TPD52L2: variants seen among roughly 807,000 people sequenced by gnomAD.
TPD52L2 encodes the protein tumor protein D54.
A neutral mutation model predicts 24.7 loss-of-function variants in TPD52L2; 19 were observed. That is an observed-to-expected ratio of 0.77 (90% CI 0.54 to 1.13). TPD52L2 has a LOEUF of 1.13. TPD52L2 is among the 50% of genes most tolerant of loss of function. The pLI is 0.00. For synonymous variants in TPD52L2, 104 were observed against 100.2 expected (o/e 1.04, Z -0.23); for missense variants, 236 against 250.4 (o/e 0.94, Z 0.39).
Position 63,877,252 on chromosome 20 carries a change from C to G in TPD52L2, c.374+1377C>G. The stretch of plus-strand genomic sequence containing the variant: ...ATGTCAGCCAGGATGGTCTCAATCT[C>G]CTGACCTCGTGATCCGCCTGCCTCA... On this transcript the variant is annotated intron_variant, in intron 4 of 6. Coordinates refer to ENST00000346249, the MANE Select transcript of TPD52L2 (RefSeq NM_003288.4). The surrounding 1 kb of genome is among the most constrained non-coding windows in gnomAD (Gnocchi z 4.1). 3.1e-6 allele frequency: 1 copy of G among 325,576 alleles called. No homozygotes were observed. Among genetic ancestry groups the G allele is most frequent in the South Asian group, 2.4e-5 (1 of 42,120 alleles). The allele number at this position is 325,576 out of a possible 1,614,324, so 20.2% of individuals were successfully genotyped here. A position where few individuals can be genotyped will look rare whatever the true frequency, so the allele number is the denominator to read the frequency against.
intron 1 of TPD52L2, among the ~76,000 whole-genome samples, chr20:63,867,145 G>A (rs1448810501): frequency 6.6e-6 from 1 of 152,024 alleles, no homozygotes; most frequent in East Asian, 1.9e-4. Flanking sequence ...TAGAGATGGA[G>A]GTTTCTCCAT....
intron 5 of TPD52L2, among the ~76,000 whole-genome samples, chr20:63,886,503 A>G (rs1408371415): frequency 6.6e-6 from 1 of 151,638 alleles, no homozygotes; most frequent in Admixed American, 6.6e-5. Flanking sequence ...CTGGGACTAC[A>G]GGCGCCCGCC....
At chr20:63,887,703 G>A in intron 5 of TPD52L2, 1 of 1,265,962 alleles carries the variant, frequency 7.9e-7, no homozygotes, top group Non-Finnish European at 1.1e-6. Flanking sequence ...CCATATTCCT[G>A]GATTAATTGA....
chr20:63,883,215 T>TG (rs914257931), intron 5 of TPD52L2, among the ~76,000 whole-genome samples: 10 of 152,212 alleles, frequency 6.6e-5, no homozygotes, highest in African/African-American at 2.4e-4. Context: ...GCGTGGTACT[T>TG]CCTCAGGCTG....
chr20:63,876,461 G>A (rs1306329607), intron 4 of TPD52L2, among the ~76,000 whole-genome samples: 2 of 152,156 alleles, frequency 1.3e-5, no homozygotes, highest in African/African-American at 2.4e-5. Context: ...TGTCAGTGGT[G>A]TTGTTCAGAG....
chr20:63,883,997 G>A (rs1037930727), intron 5 of TPD52L2, among the ~76,000 whole-genome samples: 1 of 152,210 alleles, frequency 6.6e-6, no homozygotes, highest in Non-Finnish European at 1.5e-5. Flanking sequence ...CTGCCAAGCA[G>A]AGGGGATGGC....
intron 2 of TPD52L2, 53 bp downstream of exon 2, chr20:63,869,494 G>A: frequency 6.2e-7 from 1 of 1,603,598 alleles, no homozygotes; most frequent in South Asian, 1.1e-5. Context: ...AGGCCCTCTT[G>A]GATTAGTGAG....
chr20:63,866,529 C>T (rs560293390), intron 1 of TPD52L2, among the ~76,000 whole-genome samples: 133 of 150,298 alleles, frequency 8.8e-4, no homozygotes, highest in African/African-American at 3.0e-3. Flanking sequence ...GGCTAGATCT[C>T]GGCTCACTGC....
intron 2 of TPD52L2, among the ~76,000 whole-genome samples, chr20:63,870,946 G>C (rs2052440678): frequency 6.6e-6 from 1 of 150,888 alleles, no homozygotes; most frequent in Admixed American, 6.6e-5. Context: ...TCAAACTCCT[G>C]ATCTTGTGAT....
At chr20:63,882,995 G>A (rs528190675) in intron 5 of TPD52L2, among the ~76,000 whole-genome samples, 175 bp downstream of exon 5, 150 of 152,278 alleles carry the variant, frequency 9.9e-4, no homozygotes, top group African/African-American at 3.5e-3. Flanking sequence ...TGGGAGGTTC[G>A]TCCATCCCCG....
chr20:63,889,136 G>A, intron 5 of TPD52L2, 54 bp from the exon 6 acceptor site: 1 of 1,538,278 alleles, frequency 6.5e-7, no homozygotes. Context: ...CGAGTTAGGA[G>A]AGCAGCACAA....
intron 5 of TPD52L2, chr20:63,887,395 C>T: frequency 1.2e-6 from 1 of 810,162 alleles, no homozygotes; most frequent in Non-Finnish European, 2.1e-6. Flanking sequence ...AGGGAGGACC[C>T]TGGGGTCGAG....
chr20:63,885,619 T>C (rs1468671383), intron 5 of TPD52L2, among the ~76,000 whole-genome samples: 1 of 152,224 alleles, frequency 6.6e-6, no homozygotes, highest in Non-Finnish European at 1.5e-5. Context: ...AGCCCAGCTG[T>C]CATGCTGTGG....
At chr20:63,867,593 A>G (rs2052301152) in intron 1 of TPD52L2, among the ~76,000 whole-genome samples, 1 of 152,016 alleles carries the variant, frequency 6.6e-6, no homozygotes, top group Admixed American at 6.6e-5. Context: ...TCAGTGGATA[A>G]AAAAGTGGAT....
intron 1 of TPD52L2, among the ~76,000 whole-genome samples, chr20:63,867,692 C>T (rs1337351143): frequency 6.6e-6 from 1 of 152,070 alleles, no homozygotes; most frequent in Admixed American, 6.6e-5. Flanking sequence ...GAGATGCAGC[C>T]AGCTTTTAAG....
At chr20:63,875,394 G>A (rs1017587002) in intron 3 of TPD52L2, among the ~76,000 whole-genome samples, 1 of 152,168 alleles carries the variant, frequency 6.6e-6, no homozygotes, top group East Asian at 1.9e-4. Context: ...TTTCCCAGAA[G>A]ACATGTTCCT....
At position 63,877,057 on chromosome 20, in the gene TPD52L2, G is replaced by T; in HGVS notation, c.374+1182G>T. ...GGTTTTTTTTTTGAGACAACGTCTC[G>T]TTCTGTCTCCCAGGCTGGAGTGCAG... On this transcript the variant is annotated intron_variant, in intron 4 of 6. Transcript: ENST00000346249. The surrounding 1 kb of genome is among the most constrained non-coding windows in gnomAD (Gnocchi z 4.1). The T allele has an allele frequency of 2.3e-6, 1 of 440,794 alleles. No homozygotes were observed. The highest frequency in any genetic ancestry group is 4.5e-6 in the Non-Finnish European group (1 of 222,366). The allele number at this position is 440,794 out of a possible 1,614,324, so 27.3% of individuals were successfully genotyped here.
At chr20:63,869,721 G>A (rs777503163) in intron 2 of TPD52L2, among the ~76,000 whole-genome samples, 2 of 152,196 alleles carry the variant, frequency 1.3e-5, no homozygotes, top group Non-Finnish European at 2.9e-5. Flanking sequence ...CACATGAACC[G>A]CCTCTGAGCA....
intron 4 of TPD52L2, among the ~76,000 whole-genome samples, chr20:63,878,994 T>C (rs2052794068): frequency 6.6e-6 from 1 of 152,112 alleles, no homozygotes; most frequent in Non-Finnish European, 1.5e-5. Context: ...TGTTTGACGC[T>C]CTCAGAACAG....
Sources: allele counts gnomAD v4.1 joint callset (sites outside exome capture counted in the v4.1 genomes callset), GRCh38; gene constraint gnomAD v4.1.1; non-coding constraint Gnocchi (gnomAD v3.1); transcripts MANE v1.5; gene names NCBI Gene and HGNC (gene_info 2026-07-23, HGNC 2026-07-21).